Variants in ZNF787 observed in about 807,000 individuals in gnomAD.
ZNF787 encodes TTF-I-interacting peptide 20.
In ZNF787, 7 loss-of-function variants were observed where a neutral mutation model predicts 16.9. That is an observed-to-expected ratio of 0.42 (90% CI 0.24 to 0.78). ZNF787 has a LOEUF of 0.78. Ranked by LOEUF, ZNF787 falls within the 30% of genes least tolerant of loss-of-function variation. The pLI is 0.30. For missense variants in ZNF787, 551 were observed against 589.3 expected (o/e 0.94, Z 0.67); for synonymous variants, 345 against 270.9 (o/e 1.27, Z -2.69).
At position 56,087,850 on chromosome 19, in the gene ZNF787, T is replaced by C. The variant is rs146447936; in HGVS notation, c.*173A>G. The C allele has an allele frequency of 3.2e-4, 350 of 1,081,294 alleles. No homozygotes were observed. The African/African-American group carries it at 5.3e-3, about 16-fold the overall frequency. 67.0% of individuals were successfully genotyped at this position (1,081,294 alleles called of 1,614,324 possible). On this transcript the variant is annotated 3_prime_UTR_variant, in exon 3 of 3. Coordinates refer to ENST00000610935, the MANE Select transcript of ZNF787 (RefSeq NM_001002836.4). ...AGGCGGAGAAGTGAACGGGCCCTAA[T>C]ACGCCCCAGTGCCCCCCCACGGACG...
rs918070138 is a variant in ZNF787, at chr19:56,087,866, C to A, written c.*157G>T. 189 of 1,193,970 alleles carry A rather than the reference C, an allele frequency of 1.6e-4. No homozygotes were observed. Among genetic ancestry groups the A allele is most frequent in the Non-Finnish European group, 1.9e-4 (180 of 946,000 alleles). The allele number at this position is 1,193,970 out of a possible 1,614,324, so 74.0% of individuals were successfully genotyped here. On this transcript the variant is annotated 3_prime_UTR_variant, in exon 3 of 3. Coordinates refer to ENST00000610935, the MANE Select transcript of ZNF787 (RefSeq NM_001002836.4). ...GGGCCCTAATACGCCCCAGTGCCCC[C>A]CCACGGACGGCGCAGGGACAGAGGA...
chr19:56,100,778 A>G (rs1395621266), intron 2 of ZNF787, among the ~76,000 whole-genome samples: 33 of 93,674 alleles, frequency 3.5e-4, no homozygotes, highest in Admixed American at 1.3e-3. Flanking sequence ...ACACAGGAGG[A>G]ATGCACGTAA....
At chr19:56,095,271 G>GA in intron 2 of ZNF787, among the ~76,000 whole-genome samples, 1 of 152,214 alleles carries the variant, frequency 6.6e-6, no homozygotes, top group East Asian at 1.9e-4. Flanking sequence ...GTGTGGCCCA[G>GA]TTCCTAACAG....
intron 1 of ZNF787, among the ~76,000 whole-genome samples, chr19:56,115,192 A>G (rs983562349): frequency 2.0e-5 from 3 of 152,010 alleles, no homozygotes; most frequent in African/African-American, 7.3e-5. Context: ...TGGTCTGCGT[A>G]GACCTTCCCT....
At chr19:56,113,036 C>T (rs1170001382) in intron 1 of ZNF787, among the ~76,000 whole-genome samples, 1 of 152,158 alleles carries the variant, frequency 6.6e-6, no homozygotes, top group Admixed American at 6.5e-5. Flanking sequence ...CCTCACACCA[C>T]ACACCAACTC....
intron 1 of ZNF787, among the ~76,000 whole-genome samples, chr19:56,106,572 G>T (rs992549412): frequency 3.3e-5 from 5 of 152,188 alleles, no homozygotes; most frequent in Non-Finnish European, 7.3e-5. Context: ...TGCTCCGGCC[G>T]TCTGGCCCCA....
chr19:56,105,129 A>G (rs886583357), intron 1 of ZNF787, among the ~76,000 whole-genome samples: 1 of 152,000 alleles, frequency 6.6e-6, no homozygotes, highest in Non-Finnish European at 1.5e-5. Context: ...CAAAAATTAA[A>G]TTTAAAATAA....
intron 2 of ZNF787, 159 bp downstream of exon 2, chr19:56,102,980 G>A (rs1183559375): frequency 2.6e-6 from 2 of 760,028 alleles, no homozygotes; most frequent in East Asian, 2.6e-5. Flanking sequence ...ACAGCCAGGA[G>A]TGCAAGGCCC....
intron 1 of ZNF787, among the ~76,000 whole-genome samples, chr19:56,114,004 T>A (rs895025290): frequency 6.6e-6 from 1 of 152,062 alleles, no homozygotes; most frequent in Non-Finnish European, 1.5e-5. Context: ...AAGGGCAAAT[T>A]GTACACTATG....
At chr19:56,102,621 T>C in intron 2 of ZNF787, 1 of 477,362 alleles carries the variant, frequency 2.1e-6, no homozygotes, top group Non-Finnish European at 3.7e-6. Context: ...AAACCCAAAC[T>C]GACAACTTTC....
At chr19:56,106,133 C>T (rs974916281) in intron 1 of ZNF787, among the ~76,000 whole-genome samples, 5 of 152,200 alleles carry the variant, frequency 3.3e-5, no homozygotes, top group Admixed American at 3.3e-4. Context: ...ATTCCCCCGC[C>T]GCGCCCTGCA....
At chr19:56,107,492 AGACACGGGGTCACTG>A (rs1986371440) in intron 1 of ZNF787, among the ~76,000 whole-genome samples, 2 of 134,330 alleles carry the variant, frequency 1.5e-5, no homozygotes, top group African/African-American at 7.0e-5. Context: ...GGTCACCGGG[AGACACGGGGTCACTG>A]TGAGACAATG....
At chr19:56,105,728 CTTCA>C (rs763265287) in intron 1 of ZNF787, among the ~76,000 whole-genome samples, 1 of 152,156 alleles carries the variant, frequency 6.6e-6, no homozygotes, top group African/African-American at 2.4e-5. Context: ...ATTAAAACAG[CTTCA>C]TTAAGATGTG....
In ZNF787 at chr19:56,088,557, C is replaced by T; in HGVS notation, c.615G>A (p.Gly205=). The T allele has an allele frequency of 6.7e-7, 1 of 1,490,610 alleles. No homozygotes were observed. The highest frequency in any genetic ancestry group is 8.9e-7 in the Non-Finnish European group (1 of 1,128,882). 92.3% of individuals were successfully genotyped at this position (1,490,610 alleles called of 1,614,324 possible). A position where few individuals can be genotyped will look rare whatever the true frequency, so the allele number is the denominator to read the frequency against. ...RHLRLHPELS[G]PGVAAKVLAA... is the part of the protein sequence containing the mutation. The stretch of plus-strand genomic sequence containing the variant: ...CCAGCACCTTGGCCGCCACGCCAGG[C>T]CCCGACAGCTCCGGGTGCAGCCGCA... The change falls in exon 3 of 3, where the codon GGG becomes GGA. Residue 205 remains glycine (G), a synonymous_variant. Coordinates refer to ENST00000610935, the MANE Select transcript of ZNF787 (RefSeq NM_001002836.4). The surrounding 1 kb of genome is among the most constrained non-coding windows in gnomAD (Gnocchi z 8.6).
chr19:56,113,243 G>A (rs1445139504), intron 1 of ZNF787, among the ~76,000 whole-genome samples: 1 of 152,180 alleles, frequency 6.6e-6, no homozygotes, highest in African/African-American at 2.4e-5. Context: ...AACAAGTGCT[G>A]GTGAGGACCA....
chr19:56,108,495 G>T (rs898535066), intron 1 of ZNF787, among the ~76,000 whole-genome samples: 9 of 151,798 alleles, frequency 5.9e-5, no homozygotes, highest in East Asian at 5.8e-4. Flanking sequence ...ACCTCCTCAG[G>T]GTCCCCACTT....
chr19:56,120,517 G>A (rs2030259349), intron 1 of ZNF787, among the ~76,000 whole-genome samples: 1 of 152,228 alleles, frequency 6.6e-6, no homozygotes, highest in Non-Finnish European at 1.5e-5. Flanking sequence ...GCCGAGCAAG[G>A]ACGAATGAAT....
chr19:56,117,437 AT>A, intron 1 of ZNF787, among the ~76,000 whole-genome samples: 3 of 150,344 alleles, frequency 2.0e-5, no homozygotes, highest in Middle Eastern at 3.5e-3. Context: ...GGCTAGTACA[AT>A]CTCACACAGC....
chr19:56,102,607 A>G (rs1028239735), intron 2 of ZNF787: 4 of 477,364 alleles, frequency 8.4e-6, no homozygotes, highest in African/African-American at 5.9e-5. Flanking sequence ...AGGATTTCAC[A>G]TAAAAACCCA....
Sources: gnomAD v4.1 joint callset for allele counts (sites outside exome capture counted in the v4.1 genomes callset) on GRCh38, gnomAD v4.1.1 for gene constraint, Gnocchi (gnomAD v3.1) non-coding constraint, MANE v1.5 for transcripts, NCBI Gene and HGNC (gene_info 2026-07-23, HGNC 2026-07-21) for gene names.